Variants in GPC6 observed in about 807,000 individuals in gnomAD.
The protein encoded by GPC6 is glypican 6, also known as glypican-6.
In GPC6, 14 loss-of-function variants were observed where a neutral mutation model predicts 55.2. That is an observed-to-expected ratio of 0.25 (90% CI 0.17 to 0.40). GPC6 has a LOEUF of 0.40. Among genes scored for constraint, GPC6 ranks in the 10% least tolerant of loss-of-function variants. The pLI is 1.00. For synonymous variants in GPC6, 278 were observed against 259.6 expected, an observed-to-expected ratio of 1.07 and a Z score of -0.68; for missense variants, 641 against 708.5, an observed-to-expected ratio of 0.90 and a Z score of 1.08.
chr13:94,008,096 C>T (rs1368039612), intron 3 of GPC6, among the ~76,000 whole-genome samples: 1 of 152,036 alleles, frequency 6.6e-6, no homozygotes, highest in African/African-American at 2.4e-5. Flanking sequence ...TCCTGCCTTC[C>T]ACATTTTAAT....
intron 3 of GPC6, among the ~76,000 whole-genome samples, chr13:93,952,603 T>C (rs1158799245): frequency 6.6e-6 from 1 of 151,710 alleles, no homozygotes; most frequent in African/African-American, 2.4e-5. Flanking sequence ...ATGTATACAT[T>C]TATGTATATA....
chr13:94,271,398 A>G (rs992032380), intron 4 of GPC6, among the ~76,000 whole-genome samples: 1 of 150,910 alleles, frequency 6.6e-6, no homozygotes, highest in Non-Finnish European at 1.5e-5. Flanking sequence ...ACACACACAC[A>G]CACACACACA....
At chr13:93,797,442 A>G (rs1886234778) in intron 2 of GPC6, among the ~76,000 whole-genome samples, 2 of 152,174 alleles carry the variant, frequency 1.3e-5, no homozygotes, top group Admixed American at 6.5e-5. Context: ...CTCAGCCTCA[A>G]TCTCCTCTTC....
intron 2 of GPC6, among the ~76,000 whole-genome samples, chr13:93,566,042 A>G (rs1246068566): frequency 6.6e-6 from 1 of 152,202 alleles, no homozygotes; most frequent in African/African-American, 2.4e-5. Context: ...CCTTTTGATG[A>G]TACGTGGCCT....
At chr13:93,576,580 G>A (rs1046576712) in intron 2 of GPC6, among the ~76,000 whole-genome samples, 5 of 152,000 alleles carry the variant, frequency 3.3e-5, no homozygotes, top group Non-Finnish European at 7.4e-5. Flanking sequence ...TTGGTTGATT[G>A]AAATTTGCCT....
chr13:93,950,548 C>T (rs12875998), intron 3 of GPC6, among the ~76,000 whole-genome samples: 67,626 of 151,926 alleles, frequency 0.45, 15,534 homozygotes, highest in Non-Finnish European at 0.48. Flanking sequence ...AATTATGATA[C>T]ATTTATGCTA....
chr13:93,949,295 T>G (rs1879146301), intron 3 of GPC6, among the ~76,000 whole-genome samples: 1 of 152,278 alleles, frequency 6.6e-6, no homozygotes, highest in Non-Finnish European at 1.5e-5. Flanking sequence ...ACTTATGTTC[T>G]GCTTTGCCTG....
intron 1 of GPC6, among the ~76,000 whole-genome samples, chr13:93,465,737 C>T (rs922607768): frequency 3.3e-5 from 5 of 152,194 alleles, no homozygotes; most frequent in African/African-American, 9.7e-5. Flanking sequence ...TTCAAGAACT[C>T]TCCCTTTGCA....
chr13:93,624,470 AAATGACTAAGAGCTATTTCAT>A (rs1255444002), intron 2 of GPC6, among the ~76,000 whole-genome samples: 1 of 152,246 alleles, frequency 6.6e-6, no homozygotes, highest in Non-Finnish European at 1.5e-5. Context: ...TTTCACACTA[AAATGACTAAGAGCTATTTCAT>A]TGTGAATGGA....
chr13:93,696,614 A>AT (rs144339785), intron 2 of GPC6, among the ~76,000 whole-genome samples: 67,926 of 136,684 alleles, frequency 0.5, 18,414 homozygotes, highest in Middle Eastern at 0.71. Context: ...ACCTCCATAA[A>AT]TTTTTTTTTT....
At chr13:94,185,485 A>G (rs1023191214) in intron 4 of GPC6, among the ~76,000 whole-genome samples, 2 of 151,858 alleles carry the variant, frequency 1.3e-5, no homozygotes, top group African/African-American at 2.4e-5. Context: ...TGTTTGTGTC[A>G]TCTTGAAATT....
chr13:94,331,922 TTC>T (rs901838768), intron 6 of GPC6, among the ~76,000 whole-genome samples: 2 of 152,230 alleles, frequency 1.3e-5, no homozygotes, highest in African/African-American at 2.4e-5. Flanking sequence ...ACATGTGCTC[TTC>T]TCTCTCTTTT....
chr13:93,596,091 C>T (rs866653400), intron 2 of GPC6, among the ~76,000 whole-genome samples: 11 of 152,308 alleles, frequency 7.2e-5, no homozygotes, highest in African/African-American at 2.4e-4. Flanking sequence ...CATTATTCAG[C>T]TCCCTAGCAA....
intron 2 of GPC6, among the ~76,000 whole-genome samples, chr13:93,560,893 A>T (rs1594268135): frequency 1.3e-5 from 2 of 152,200 alleles, no homozygotes; most frequent in South Asian, 4.1e-4. Flanking sequence ...CGCATGTCAA[A>T]CCTTAAATTT....
At chr13:93,518,802 T>C (rs1340457639) in intron 1 of GPC6, among the ~76,000 whole-genome samples, 6 of 152,042 alleles carry the variant, frequency 3.9e-5, no homozygotes, top group Non-Finnish European at 8.8e-5. Flanking sequence ...AGTAGCAATA[T>C]AAATTGTGTT....
At chr13:94,164,737 C>G (rs529276725) in intron 4 of GPC6, among the ~76,000 whole-genome samples, 1 of 152,222 alleles carries the variant, frequency 6.6e-6, no homozygotes, top group African/African-American at 2.4e-5. Flanking sequence ...TAACTATTAT[C>G]TCTCACTCTG....
rs552504379 is a variant in GPC6 at position 94,307,486 on chromosome 13, A to T, written c.1152+1363A>T. ...CATACACCACCATGCCCAGCTTTTT[A>T]TTTTTTTGTAGAGGCGTGGTTTTGC... On this transcript the variant is annotated intron_variant, in intron 6 of 8. Transcript: ENST00000377047. 1.1e-3 allele frequency among the ~76,000 whole-genome samples: 160 copies of T among 151,792 alleles called. 1 individual carries two copies. Among genetic ancestry groups the T allele is most frequent in the African/African-American group, 3.7e-3 (155 of 41,404 alleles).
intron 4 of GPC6, among the ~76,000 whole-genome samples, chr13:94,169,588 G>A (rs1414928544): frequency 6.6e-6 from 1 of 151,898 alleles, no homozygotes; most frequent in African/African-American, 2.4e-5. Flanking sequence ...ATAAACAGAT[G>A]CAAAGAGCAT....
chr13:93,713,388 T>C (rs1883139289), intron 2 of GPC6, among the ~76,000 whole-genome samples: 1 of 151,418 alleles, frequency 6.6e-6, no homozygotes, highest in African/African-American at 2.4e-5. Context: ...GCCAATAAAA[T>C]AGACAAATTA....
Sources: gnomAD v4.1 joint callset for allele counts (sites outside exome capture counted in the v4.1 genomes callset) on GRCh38, gnomAD v4.1.1 for gene constraint, MANE v1.5 for transcripts, NCBI Gene and HGNC (gene_info 2026-07-23, HGNC 2026-07-21) for gene names.